PCDHA8: variants seen among roughly 807,000 people sequenced by gnomAD.
PCDHA8 encodes the protein protocadherin alpha 8.
Under a neutral mutation model 61.8 loss-of-function variants are expected in PCDHA8, and 53 were observed. The ratio of observed to expected loss-of-function variants is 0.86; its 90% CI spans 0.69 to 1.08. The LOEUF (loss-of-function observed/expected upper bound fraction) is 1.08, where lower values mean the gene tolerates loss of function less well. Ranked by LOEUF, PCDHA8 falls within the 50% of genes least tolerant of loss-of-function variation. The probability of loss-of-function intolerance (pLI) is 0.00; values close to 1 mark genes in which losing one functional copy is unlikely to be tolerated. For missense variants in PCDHA8, 1,293 were observed against 1,245.0 expected (o/e 1.04, Z -0.58); for synonymous variants, 618 against 556.6 (o/e 1.11, Z -1.55).
At chr5:140,973,782 C>CT (rs1461331270) in intron 1 of PCDHA8, among the ~76,000 whole-genome samples, 7 of 152,208 alleles carry the variant, frequency 4.6e-5, no homozygotes, top group African/African-American at 1.7e-4. Flanking sequence ...TATAGGTTGC[C>CT]TATTGGCATG....
intron 1 of PCDHA8, chr5:140,883,148 A>G (rs1554176918): frequency 5.0e-6 from 8 of 1,614,078 alleles, no homozygotes; most frequent in Non-Finnish European, 6.8e-6. Context: ...ATATGCATTT[A>G]CCATAAATCC....
At chr5:140,855,357 A>C (rs2043441484) in intron 1 of PCDHA8, among the ~76,000 whole-genome samples, 1 of 150,032 alleles carries the variant, frequency 6.7e-6, no homozygotes, top group South Asian at 2.1e-4. Context: ...TCATGTGGCT[A>C]GTGAGTAGGA....
chr5:140,883,925 G>T (rs1554180613), intron 1 of PCDHA8: 2 of 1,613,466 alleles, frequency 1.2e-6, no homozygotes, highest in Non-Finnish European at 1.7e-6. Context: ...GACGCTGCAG[G>T]TGTTCGTGCT....
intron 1 of PCDHA8, chr5:140,870,717 T>C (rs782672690): frequency 4.3e-6 from 7 of 1,613,062 alleles, no homozygotes; most frequent in South Asian, 2.2e-5. Context: ...GCGCGCGCGA[T>C]GCGGGCGTGC....
chr5:140,967,495 C>G, intron 1 of PCDHA8: 1 of 1,613,306 alleles, frequency 6.2e-7, no homozygotes. Flanking sequence ...CGGCACAGAT[C>G]TCTGTGCGTG....
chr5:140,956,678 A>C (rs1442214825), intron 1 of PCDHA8, among the ~76,000 whole-genome samples: 2 of 152,104 alleles, frequency 1.3e-5, no homozygotes, highest in Non-Finnish European at 2.9e-5. Context: ...GTTAGGGAGG[A>C]GTACCTCCTT....
At chr5:140,990,541 A>T (rs868916666) in intron 3 of PCDHA8, among the ~76,000 whole-genome samples, 1 of 152,210 alleles carries the variant, frequency 6.6e-6, no homozygotes, top group Admixed American at 6.5e-5. Context: ...CATCATAGAT[A>T]CTGTATTACC....
At chr5:140,928,381 T>C (rs1554205835) in intron 1 of PCDHA8, 2 of 1,614,054 alleles carry the variant, frequency 1.2e-6, no homozygotes, top group African/African-American at 2.7e-5. Flanking sequence ...AGCCTCTAGC[T>C]TGCTGGCAGT....
intron 1 of PCDHA8, chr5:140,968,552 C>T (rs370640529): frequency 1.2e-6 from 2 of 1,614,184 alleles, no homozygotes; most frequent in Non-Finnish European, 1.7e-6. Flanking sequence ...GATGGTGCCT[C>T]GAACTGCCCC....
Position 140,927,906 on chromosome 5 carries a change from C to T in PCDHA8, c.2395-51043C>T, listed in dbSNP as rs116016831. On this transcript the variant is annotated intron_variant, in intron 1 of 3. Coordinates refer to ENST00000531613, the MANE Select transcript of PCDHA8 (RefSeq NM_018911.3). ...TGACTGACGTGAACGATCATGCCCC[C>T]GAACTGGACTTCCTGACTCTTTCGA... is the stretch of plus-strand genomic sequence containing the variant. 5,195 of 1,614,178 alleles carry T rather than the reference C, an allele frequency of 3.2e-3. 26 individuals are homozygous for T. The highest frequency in any genetic ancestry group is 0.019 in the African/African-American group (1,450 of 75,038).
intron 1 of PCDHA8, chr5:140,870,414 G>A (rs374225281): frequency 4.0e-5 from 64 of 1,614,112 alleles, no homozygotes; most frequent in Non-Finnish European, 5.0e-5. Context: ...TGTGGGCCAC[G>A]GCCAGGGTAT....
chr5:140,848,508 A>G, intron 1 of PCDHA8: 1 of 1,589,692 alleles, frequency 6.3e-7, no homozygotes, highest in Non-Finnish European at 8.6e-7. Flanking sequence ...GTTATACTCA[A>G]GTCGAGGAGA....
At chr5:140,984,634 C>G (rs540344154) in intron 3 of PCDHA8, among the ~76,000 whole-genome samples, 4 of 152,298 alleles carry the variant, frequency 2.6e-5, no homozygotes, top group African/African-American at 9.6e-5. Context: ...AAGGGATTCT[C>G]TGCCTTCTCC....
chr5:140,885,998 A>G (rs2060805032), intron 1 of PCDHA8, among the ~76,000 whole-genome samples: 1 of 152,190 alleles, frequency 6.6e-6, no homozygotes, highest in Non-Finnish European at 1.5e-5. Context: ...GTTGAAAGAA[A>G]TAGTAAAGGG....
At chr5:140,902,860 G>C (rs1360454438) in intron 1 of PCDHA8, among the ~76,000 whole-genome samples, 1 of 152,130 alleles carries the variant, frequency 6.6e-6, no homozygotes, top group Non-Finnish European at 1.5e-5. Context: ...ATGGCGTCCA[G>C]GTCCACCCAA....
At chr5:140,902,406 T>A (rs1166768605) in intron 1 of PCDHA8, among the ~76,000 whole-genome samples, 1 of 152,088 alleles carries the variant, frequency 6.6e-6, no homozygotes, top group Non-Finnish European at 1.5e-5. Flanking sequence ...AATACTATGT[T>A]GAATAACAGT....
chr5:140,884,609 G>C (rs1554181782), intron 1 of PCDHA8: 4 of 1,614,138 alleles, frequency 2.5e-6, no homozygotes, highest in African/African-American at 1.3e-5. Flanking sequence ...TCCTTGTCTG[G>C]GTTCTGCAGA....
At chr5:140,857,467 C>T in intron 1 of PCDHA8, 3 of 1,598,642 alleles carry the variant, frequency 1.9e-6, no homozygotes, top group Non-Finnish European at 2.6e-6. Flanking sequence ...GCTGCCACAT[C>T]TTCACGGTGT....
At chr5:140,989,777 A>G (rs1406464822) in intron 3 of PCDHA8, among the ~76,000 whole-genome samples, 2 of 152,230 alleles carry the variant, frequency 1.3e-5, no homozygotes, top group African/African-American at 4.8e-5. Context: ...AGCACTGGCT[A>G]GAGACTAGAG....
Sources: gnomAD v4.1 joint callset for allele counts (sites outside exome capture counted in the v4.1 genomes callset) on GRCh38, gnomAD v4.1.1 for gene constraint, MANE v1.5 for transcripts, NCBI Gene and HGNC (gene_info 2026-07-23, HGNC 2026-07-21) for gene names.